GRXCR1: variants seen among roughly 807,000 people sequenced by gnomAD.
The protein encoded by GRXCR1 is glutaredoxin domain-containing cysteine-rich protein 1.
GRXCR1 carries 27 observed loss-of-function variants against 27.3 expected under a neutral mutation model. The ratio of observed to expected loss-of-function variants is 0.99; its 90% CI spans 0.73 to 1.37. GRXCR1 has a LOEUF of 1.37. Ranked by LOEUF, GRXCR1 falls within the 40% of genes most tolerant of loss-of-function variation. The pLI, the probability that GRXCR1 is intolerant of heterozygous loss-of-function variation, is 0.00. For synonymous variants in GRXCR1, 122 were observed against 131.1 expected (o/e 0.93, Z 0.47); for missense variants, 379 against 354.4 (o/e 1.07, Z -0.56).
intron 1 of GRXCR1, among the ~76,000 whole-genome samples, chr4:42,914,759 C>T (rs1335816251): frequency 2.0e-5 from 3 of 152,132 alleles, no homozygotes; most frequent in Admixed American, 6.6e-5. Flanking sequence ...ATGTGTTGTG[C>T]TTGCTTTGGC....
chr4:42,897,066 T>TA (rs1746361777), intron 1 of GRXCR1, among the ~76,000 whole-genome samples: 1 of 152,040 alleles, frequency 6.6e-6, no homozygotes, highest in African/African-American at 2.4e-5. Context: ...TGGAAAATTT[T>TA]AAAAATATAT....
intron 2 of GRXCR1, among the ~76,000 whole-genome samples, chr4:42,989,976 T>G (rs1711909599): frequency 6.6e-6 from 1 of 151,908 alleles, no homozygotes; most frequent in Admixed American, 6.6e-5. Flanking sequence ...TGAAAAGTTT[T>G]TATTTAATAA....
intron 2 of GRXCR1, among the ~76,000 whole-genome samples, chr4:43,017,020 T>C (rs1712952104): frequency 1.3e-5 from 2 of 152,224 alleles, no homozygotes. Flanking sequence ...TGTAAAGTGT[T>C]TGAGCAAGGT....
chr4:42,970,767 A>G (rs1352914676), intron 2 of GRXCR1, among the ~76,000 whole-genome samples: 2 of 152,146 alleles, frequency 1.3e-5, no homozygotes, highest in African/African-American at 4.8e-5. Flanking sequence ...TGTCTTGGCT[A>G]TTAACATTCA....
intron 1 of GRXCR1, among the ~76,000 whole-genome samples, chr4:42,933,666 T>C (rs1747385507): frequency 6.6e-6 from 1 of 151,910 alleles, no homozygotes; most frequent in African/African-American, 2.4e-5. Flanking sequence ...TTTGTGCCTT[T>C]ATAAAAGAGA....
Position 42,948,706 on chromosome 4 carries a change from G to A in GRXCR1, c.385-14186G>A, listed in dbSNP as rs111802663. ...GACTTTGTAGATGTGATGAAGTTAG[G>A]GTTCTTGAGATGGGGATATTATCCT... On this transcript the variant is annotated intron_variant, in intron 1 of 3. Transcript: ENST00000399770. Among the ~76,000 whole-genome samples the A allele has an allele frequency of 4.1e-3, 624 of 152,106 alleles. 4 individuals are homozygous for A. Among genetic ancestry groups the A allele is most frequent in the African/African-American group, 0.014 (591 of 41,506 alleles).
chr4:42,924,814 G>C (rs916530235), intron 1 of GRXCR1, among the ~76,000 whole-genome samples: 5 of 152,070 alleles, frequency 3.3e-5, no homozygotes, highest in African/African-American at 9.7e-5. Context: ...AGGAGATTGA[G>C]AATGCAGGAT....
At chr4:42,928,469 A>T (rs931655616) in intron 1 of GRXCR1, among the ~76,000 whole-genome samples, 2 of 151,916 alleles carry the variant, frequency 1.3e-5, no homozygotes, top group Non-Finnish European at 2.9e-5. Flanking sequence ...TTGGCAGGGG[A>T]TAATCATAAC....
chr4:42,950,939 G>A (rs1051019471), intron 1 of GRXCR1, among the ~76,000 whole-genome samples: 1 of 151,772 alleles, frequency 6.6e-6, no homozygotes, highest in African/African-American at 2.4e-5. Context: ...CTCTCTCTAT[G>A]TATCCAGATA....
chr4:42,936,228 C>T (rs533936357), intron 1 of GRXCR1, among the ~76,000 whole-genome samples: 1 of 151,732 alleles, frequency 6.6e-6, no homozygotes. Flanking sequence ...ATAAAAATTA[C>T]TGTAGACCAA....
At chr4:43,000,721 C>T (rs1425961943) in intron 2 of GRXCR1, among the ~76,000 whole-genome samples, 1 of 151,848 alleles carries the variant, frequency 6.6e-6, no homozygotes, top group East Asian at 1.9e-4. Context: ...TCCGTACCAT[C>T]TTTGGTTTCA....
rs1439565402 is a variant in GRXCR1 at position 42,916,232 on chromosome 4, C to T, written c.384+22582C>T. 2.6e-5 allele frequency among the ~76,000 whole-genome samples: 4 copies of T among 152,022 alleles called. No individual in the cohort carries two copies. In the East Asian group the frequency reaches 5.8e-4, roughly 22 times the overall value. ...GTAAAGGAAGATACCATGATGAAAG[C>T]CCTCAGCAGACCCAGAGAGCAATTG... is the stretch of plus-strand genomic sequence containing the variant. On this transcript the variant is annotated intron_variant, in intron 1 of 3. Coordinates refer to ENST00000399770, the MANE Select transcript of GRXCR1 (RefSeq NM_001080476.3).
At chr4:43,029,180 A>G (rs934139692) in intron 3 of GRXCR1, among the ~76,000 whole-genome samples, 13 of 152,222 alleles carry the variant, frequency 8.5e-5, no homozygotes, top group African/African-American at 3.1e-4. Flanking sequence ...TCTCATAATT[A>G]TATGTGCTGA....
At chr4:42,932,477 A>G (rs368662593) in intron 1 of GRXCR1, among the ~76,000 whole-genome samples, 5 of 140,926 alleles carry the variant, frequency 3.5e-5, no homozygotes, top group Middle Eastern at 3.4e-3. Flanking sequence ...TCATGCAGCC[A>G]TGGTCTCTTA....
intron 2 of GRXCR1, among the ~76,000 whole-genome samples, chr4:42,966,189 G>A (rs1748234081): frequency 6.6e-6 from 1 of 151,938 alleles, no homozygotes; most frequent in African/African-American, 2.4e-5. Context: ...CACAAAACAA[G>A]ATTGTGTTCA....
intron 2 of GRXCR1, among the ~76,000 whole-genome samples, chr4:42,983,385 T>G (rs1478936678): frequency 6.6e-6 from 1 of 150,704 alleles, no homozygotes; most frequent in Non-Finnish European, 1.5e-5. Flanking sequence ...GCGTTATTTC[T>G]GAGGGCTCTG....
At chr4:42,966,748 G>C (rs986825017) in intron 2 of GRXCR1, among the ~76,000 whole-genome samples, 1 of 152,070 alleles carries the variant, frequency 6.6e-6, no homozygotes, top group African/African-American at 2.4e-5. Flanking sequence ...TAGATGTGTA[G>C]AGATATCTCA....
chr4:42,941,800 AT>A (rs962059554), intron 1 of GRXCR1, among the ~76,000 whole-genome samples: 1 of 152,082 alleles, frequency 6.6e-6, no homozygotes, highest in Admixed American at 6.6e-5. Flanking sequence ...TATGATACGT[AT>A]CAATGAGTGT....
intron 1 of GRXCR1, among the ~76,000 whole-genome samples, chr4:42,927,111 A>C (rs1389784082): frequency 6.6e-6 from 1 of 152,004 alleles, no homozygotes; most frequent in African/African-American, 2.4e-5. Context: ...GACCTCTTAA[A>C]GAGCATTTGT....
Sources: allele counts gnomAD v4.1 joint callset (sites outside exome capture counted in the v4.1 genomes callset), GRCh38; gene constraint gnomAD v4.1.1; transcripts MANE v1.5; gene names NCBI Gene and HGNC (gene_info 2026-07-23, HGNC 2026-07-21).